The following ERBB4 variants were observed in gnomAD, a reference collection of about 807,000 sequenced individuals.
ERBB4 encodes erb-b2 receptor tyrosine kinase 4.
A neutral mutation model predicts 158.0 loss-of-function variants in ERBB4; 42 were observed. That is an observed-to-expected ratio of 0.27 (90% confidence interval 0.21 to 0.34). The LOEUF (loss-of-function observed/expected upper bound fraction) is 0.34, where lower values mean the gene tolerates loss of function less well. Ranked by LOEUF, ERBB4 falls within the 10% of genes least tolerant of loss-of-function variation. The pLI is 1.00. For missense variants in ERBB4, 1,333 were observed against 1,624.1 expected (o/e 0.82, Z 3.08); for synonymous variants, 583 against 558.7 (o/e 1.04, Z -0.61).
At chr2:212,497,178 C>G (rs934680461) in intron 1 of ERBB4, among the ~76,000 whole-genome samples, 9 of 64,372 alleles carry the variant, frequency 1.4e-4, no homozygotes, top group African/African-American at 8.7e-4. Flanking sequence ...AACTCCATCT[C>G]AAAAAAAAAA....
chr2:211,818,821 G>T (rs2076931485), intron 3 of ERBB4, among the ~76,000 whole-genome samples: 1 of 152,044 alleles, frequency 6.6e-6, no homozygotes, highest in Admixed American at 6.6e-5. Context: ...TTCTCTTATA[G>T]GTGGATGGGG....
intron 14 of ERBB4, 71 bp from the exon 15 acceptor site, chr2:211,665,548 GT>G: frequency 6.7e-7 from 1 of 1,482,082 alleles, no homozygotes. Context: ...TATTCATGTG[GT>G]TTAGTTACTG....
intron 12 of ERBB4, among the ~76,000 whole-genome samples, chr2:211,686,033 T>C (rs1449054732): frequency 6.6e-6 from 1 of 152,188 alleles, no homozygotes; most frequent in Admixed American, 6.5e-5. Context: ...TTTGAAATTT[T>C]TTATGTACAT....
At chr2:212,358,465 A>G (rs1206345314) in intron 1 of ERBB4, among the ~76,000 whole-genome samples, 1 of 151,842 alleles carries the variant, frequency 6.6e-6, no homozygotes, top group Non-Finnish European at 1.5e-5. Context: ...TGCCATTCAA[A>G]TAGCTGAAGA....
chr2:211,728,023 A>T (rs974527641), intron 5 of ERBB4, among the ~76,000 whole-genome samples: 18 of 152,058 alleles, frequency 1.2e-4, no homozygotes, highest in African/African-American at 4.3e-4. Flanking sequence ...GTATCCTGGT[A>T]CAAAATTCTG....
chr2:212,471,400 A>G (rs1429400198), intron 1 of ERBB4, among the ~76,000 whole-genome samples: 4 of 152,016 alleles, frequency 2.6e-5, no homozygotes, highest in African/African-American at 9.7e-5. Flanking sequence ...TAATACAGAA[A>G]TACAATAATC....
chr2:211,760,132 ATTAC>A (rs921949643), intron 4 of ERBB4, among the ~76,000 whole-genome samples: 1 of 152,224 alleles, frequency 6.6e-6, no homozygotes, highest in Non-Finnish European at 1.5e-5. Flanking sequence ...TCATTAAAAG[ATTAC>A]TTAAACAATA....
intron 1 of ERBB4, among the ~76,000 whole-genome samples, chr2:212,301,120 G>A (rs1293551766): frequency 1.7e-5 from 1 of 58,710 alleles, no homozygotes; most frequent in Non-Finnish European, 5.5e-5. Flanking sequence ...GCATTGATAT[G>A]CTTTTTTTTT....
intron 2 of ERBB4, among the ~76,000 whole-genome samples, chr2:212,027,230 T>C (rs947441196): frequency 6.6e-6 from 1 of 152,048 alleles, no homozygotes; most frequent in Admixed American, 6.6e-5. Context: ...GAACACATAT[T>C]TTAAACACTT....
chr2:212,269,717 C>A (rs1411045951), intron 1 of ERBB4, among the ~76,000 whole-genome samples: 1 of 151,836 alleles, frequency 6.6e-6, no homozygotes, highest in South Asian at 2.1e-4. Context: ...ATACTCAAGT[C>A]TAGTTTCTTT....
intron 20 of ERBB4, among the ~76,000 whole-genome samples, chr2:211,450,883 C>T (rs904189955): frequency 3.3e-5 from 5 of 152,198 alleles, no homozygotes; most frequent in African/African-American, 2.4e-5. Flanking sequence ...GAAGGCACCA[C>T]GAGGAGAAAG....
At chr2:212,441,071 C>T (rs1260805735) in intron 1 of ERBB4, among the ~76,000 whole-genome samples, 1 of 152,068 alleles carries the variant, frequency 6.6e-6, no homozygotes. Context: ...CACAGCCTCA[C>T]CAAGTGTTTA....
At chr2:211,409,075 A>G (rs2125373005) in intron 25 of ERBB4, among the ~76,000 whole-genome samples, 1 of 152,296 alleles carries the variant, frequency 6.6e-6, no homozygotes, top group East Asian at 1.9e-4. Flanking sequence ...AGTCTGTACC[A>G]TCTCTTCCAT....
At chr2:211,651,827 G>A (rs999995168) in intron 16 of ERBB4, among the ~76,000 whole-genome samples, 2 of 152,262 alleles carry the variant, frequency 1.3e-5, no homozygotes, top group South Asian at 2.1e-4. Context: ...GAACTTGGTA[G>A]TGGACTCCAA....
intron 1 of ERBB4, among the ~76,000 whole-genome samples, chr2:212,204,769 C>G (rs897433253): frequency 6.7e-6 from 1 of 148,528 alleles, no homozygotes; most frequent in Non-Finnish European, 1.5e-5. Flanking sequence ...CAAGTTGGAA[C>G]ACAGTTCTAA....
chr2:212,357,394 A>G (rs2089503217), intron 1 of ERBB4, among the ~76,000 whole-genome samples: 1 of 151,936 alleles, frequency 6.6e-6, no homozygotes, highest in Non-Finnish European at 1.5e-5. Context: ...CTGTGAGAAT[A>G]CGACTTTAAA....
At chr2:212,151,539 T>C (rs973710937) in intron 1 of ERBB4, among the ~76,000 whole-genome samples, 1 of 151,610 alleles carries the variant, frequency 6.6e-6, no homozygotes, top group African/African-American at 2.4e-5. Flanking sequence ...TTTTTAATTA[T>C]AAAAATAATA....
In ERBB4 at chr2:211,834,133, C is replaced by T. The variant is rs142984661; in HGVS notation, c.422-45974G>A. Among the ~76,000 whole-genome samples, 6 of 151,960 alleles carry T rather than the reference C, an allele frequency of 3.9e-5. No individual in the cohort carries two copies. The East Asian group carries it at 7.8e-4, about 20-fold the overall frequency. On this transcript the variant is annotated intron_variant, in intron 3 of 27. Coordinates refer to ENST00000342788, the MANE Select transcript of ERBB4 (RefSeq NM_005235.3). ...TGATGGGTTGCATATTTTTATGATACGACAAAGGAGTAGTATAAAGATATC... is the reference window on the plus strand; with the variant it reads ...TGATGGGTTGCATATTTTTATGATATGACAAAGGAGTAGTATAAAGATATC...
intron 20 of ERBB4, among the ~76,000 whole-genome samples, chr2:211,470,960 C>G (rs770192400): frequency 9.2e-5 from 14 of 152,178 alleles, no homozygotes; most frequent in Non-Finnish European, 1.9e-4. Flanking sequence ...ACCATTTGGA[C>G]AAACAGGCTA....
Sources: gnomAD v4.1 joint callset for allele counts (sites outside exome capture counted in the v4.1 genomes callset) on GRCh38, gnomAD v4.1.1 for gene constraint, MANE v1.5 for transcripts, NCBI Gene and HGNC (gene_info 2026-07-23, HGNC 2026-07-21) for gene names.